MGLL: variants seen among roughly 807,000 people sequenced by gnomAD.
MGLL encodes the protein monoglyceride lipase.
MGLL carries 7 observed loss-of-function variants against 29.1 expected under a neutral mutation model. The ratio of observed to expected loss-of-function variants is 0.24; its 90% confidence interval spans 0.14 to 0.45. MGLL has a LOEUF of 0.45. Ranked by LOEUF, MGLL falls within the 20% of genes least tolerant of loss-of-function variation. The pLI is 0.99. For synonymous variants in MGLL, 148 were observed against 168.3 expected (o/e 0.88, Z 0.93); for missense variants, 356 against 413.6 (o/e 0.86, Z 1.21).
intron 6 of MGLL, among the ~76,000 whole-genome samples, chr3:127,704,867 C>G (rs926326264): frequency 6.6e-6 from 1 of 152,178 alleles, no homozygotes; most frequent in Non-Finnish European, 1.5e-5. Context: ...TTGGGTATTA[C>G]TGGGTATACA....
At chr3:127,724,889 A>G (rs758841664) in intron 3 of MGLL, among the ~76,000 whole-genome samples, 11 of 152,078 alleles carry the variant, frequency 7.2e-5, no homozygotes, top group Non-Finnish European at 1.6e-4. Flanking sequence ...TTTTGAAAAC[A>G]TGGGGACAGT....
rs375544204 is a variant in MGLL, at chr3:127,727,017, G to A, written c.263-4451C>T. On this transcript the variant is annotated intron_variant, in intron 3 of 7. Transcript: ENST00000265052. ...AACCAGGATGCAAAACTCTTATGCT[G>A]TATTTGTTTGCTATGTTCCTTTAGT... Among the ~76,000 whole-genome samples, 42 of 152,284 alleles carry A rather than the reference G, an allele frequency of 2.8e-4. 1 individual carries two copies. The East Asian group carries it at 6.9e-3, about 25-fold the overall frequency.
At chr3:127,802,959 C>T (rs2107738947) in intron 2 of MGLL, among the ~76,000 whole-genome samples, 1 of 151,914 alleles carries the variant, frequency 6.6e-6, no homozygotes, top group Non-Finnish European at 1.5e-5. Context: ...CACTGTCTTT[C>T]AAGCCTGAGT....
chr3:127,710,901 G>A (rs1233822463), intron 5 of MGLL: 12 of 541,150 alleles, frequency 2.2e-5, no homozygotes, highest in South Asian at 3.9e-5. Flanking sequence ...CAGCCGCTGC[G>A]CCCAAGGTGG....
chr3:127,715,894 C>G (rs1174975828), intron 5 of MGLL: 1 of 449,878 alleles, frequency 2.2e-6, no homozygotes. Flanking sequence ...ATTCTTGATG[C>G]CTTTTCCATC....
intron 3 of MGLL, among the ~76,000 whole-genome samples, chr3:127,748,681 C>T (rs1208759956): frequency 6.6e-6 from 1 of 151,936 alleles, no homozygotes; most frequent in African/African-American, 2.4e-5. Flanking sequence ...CAGAAGGAAC[C>T]AGCCCTAGCA....
At chr3:127,787,839 G>C (rs142538723) in intron 2 of MGLL, among the ~76,000 whole-genome samples, 16 of 152,200 alleles carry the variant, frequency 1.1e-4, no homozygotes, top group African/African-American at 2.4e-5. Context: ...AAATTTGACC[G>C]GCACGTCTGC....
At chr3:127,798,918 C>A (rs540872795) in intron 2 of MGLL, among the ~76,000 whole-genome samples, 1 of 152,274 alleles carries the variant, frequency 6.6e-6, no homozygotes, top group Admixed American at 6.5e-5. Flanking sequence ...AGCTGGAGAG[C>A]ACCCGAGGGA....
chr3:127,720,735 C>T lies in MGLL; in HGVS notation c.510+318G>A, dbSNP rs2075901774. Among the ~76,000 whole-genome samples, 3 of 152,306 alleles carry T rather than the reference C, an allele frequency of 2.0e-5. No individual in the cohort carries two copies. The South Asian group carries it at 6.2e-4, about 32-fold the overall frequency. On this transcript the variant is annotated intron_variant, in intron 5 of 7. Coordinates refer to ENST00000265052, the MANE Select transcript of MGLL (RefSeq NM_007283.7). ...AATAATCAGTGAAAAACAGCCCAGGCCTTGAGTGTGACTTGTTAACAAACG... is the reference window on the plus strand; with the variant it reads ...AATAATCAGTGAAAAACAGCCCAGGTCTTGAGTGTGACTTGTTAACAAACG...
chr3:127,700,496 A>G (rs1261628325), intron 6 of MGLL, among the ~76,000 whole-genome samples: 2 of 152,164 alleles, frequency 1.3e-5, no homozygotes, highest in African/African-American at 2.4e-5. Context: ...GTCTGCAATC[A>G]GCACATCTCT....
At chr3:127,727,897 G>A (rs1033121149) in intron 3 of MGLL, among the ~76,000 whole-genome samples, 2 of 151,920 alleles carry the variant, frequency 1.3e-5, no homozygotes, top group Admixed American at 6.6e-5. Context: ...ATAAGCCTAC[G>A]GCAAGAAGCT....
At chr3:127,753,524 G>T (rs1576550400) in intron 3 of MGLL, among the ~76,000 whole-genome samples, 1 of 152,200 alleles carries the variant, frequency 6.6e-6, no homozygotes, top group African/African-American at 2.4e-5. Flanking sequence ...AGCGTTTGCT[G>T]AGAACACAAC....
intron 2 of MGLL, among the ~76,000 whole-genome samples, chr3:127,786,939 C>T (rs2077224554): frequency 6.6e-6 from 1 of 152,162 alleles, no homozygotes; most frequent in South Asian, 2.1e-4. Context: ...CTGGCCCTCC[C>T]ACAAGCTGCT....
chr3:127,705,260 T>C (rs949409630), intron 6 of MGLL, among the ~76,000 whole-genome samples: 16 of 151,980 alleles, frequency 1.1e-4, no homozygotes, highest in Admixed American at 3.9e-4. Context: ...TCAGGATAAA[T>C]AGCTAATGCA....
intron 3 of MGLL, among the ~76,000 whole-genome samples, chr3:127,771,308 A>G (rs2076944314): frequency 6.6e-6 from 1 of 152,124 alleles, no homozygotes; most frequent in Non-Finnish European, 1.5e-5. Flanking sequence ...CCTGCTCATC[A>G]CAAGGCAACC....
At position 127,695,130 on chromosome 3, in the gene MGLL, T is replaced by C. The variant is rs2075333052; in HGVS notation, c.661A>G (p.Ile221Val). The C allele has an allele frequency of 6.2e-7, 1 of 1,614,076 alleles. No homozygotes were observed. Among genetic ancestry groups the C allele is most frequent in the Non-Finnish European group, 8.5e-7 (1 of 1,180,050 alleles). ...CRAGLKVCFG[I>V]QLLNAVSRVE... ...CGTGAGACGGCATTCAGCAGTTGGA[T>C]GCCGAAGCACACCTTCAGCCCTGCC... Residue 221 changes from isoleucine (I) to valine (V), a missense_variant, in exon 7 of 8, where the codon ATC (isoleucine) becomes GTC (valine). Coordinates refer to ENST00000265052, the MANE Select transcript of MGLL (RefSeq NM_007283.7).
chr3:127,712,537 GC>G (rs1440304664), intron 5 of MGLL: 2 of 152,258 alleles, frequency 1.3e-5, no homozygotes, highest in Non-Finnish European at 2.9e-5. Flanking sequence ...AAAGGTGGCA[GC>G]CCCCTGCCTC....
intron 5 of MGLL, among the ~76,000 whole-genome samples, chr3:127,719,373 G>A (rs1395399206): frequency 6.6e-6 from 1 of 152,190 alleles, no homozygotes; most frequent in African/African-American, 2.4e-5. Flanking sequence ...TGGGGAGTGG[G>A]CAGCCCTGGA....
At chr3:127,793,413 T>G (rs545811251) in intron 2 of MGLL, among the ~76,000 whole-genome samples, 4 of 152,240 alleles carry the variant, frequency 2.6e-5, no homozygotes, top group Non-Finnish European at 5.9e-5. Context: ...TAACATATTT[T>G]GAGAGCCTAT....
Sources: gnomAD v4.1 joint callset for allele counts (sites outside exome capture counted in the v4.1 genomes callset) on GRCh38, gnomAD v4.1.1 for gene constraint, MANE v1.5 for transcripts, NCBI Gene and HGNC (gene_info 2026-07-23, HGNC 2026-07-21) for gene names.